Variants in PLOD1 observed in about 807,000 individuals in gnomAD.
PLOD1 encodes the protein lysine hydroxylase.
In PLOD1, 70 loss-of-function variants were observed where a neutral mutation model predicts 94.7. The observed-to-expected ratio is 0.74, with a 90% CI of 0.61 to 0.90. PLOD1 has a LOEUF of 0.90. Ranked by LOEUF, PLOD1 falls within the 40% of genes least tolerant of loss-of-function variation. The pLI is 0.00. For missense variants in PLOD1, 905 were observed against 972.7 expected (o/e 0.93, Z 0.93); for synonymous variants, 417 against 400.2 (o/e 1.04, Z -0.50).
intron 1 of PLOD1, among the ~76,000 whole-genome samples, chr1:11,943,409 GC>G (rs2100737274): frequency 6.6e-6 from 1 of 151,244 alleles, no homozygotes; most frequent in Non-Finnish European, 1.5e-5. Flanking sequence ...CGATTCTCTT[GC>G]CTGAGCCTCA....
rs1184013178 is a variant in PLOD1 at position 11,957,983 on chromosome 1, G to A, written c.843+40G>A. 7.7e-7 allele frequency: 1 copy of A among 1,300,404 alleles called. No individual in the cohort carries two copies. Among genetic ancestry groups the A allele is most frequent in the Non-Finnish European group, 1.1e-6 (1 of 893,546 alleles). 80.6% of individuals were successfully genotyped at this position (1,300,404 alleles called of 1,614,324 possible). A position where few individuals can be genotyped will look rare whatever the true frequency, so the allele number is the denominator to read the frequency against. On this transcript the variant is annotated intron_variant, in intron 8 of 18. Transcript: ENST00000196061. This position sits in a 1 kb window ranked among gnomAD's most constrained non-coding sequence, Gnocchi z 4.1. Reference sequence around the variant, plus strand: ...AGGCCTGTGCCTGAGGGACACGGGGGGCTCAGTCCCCTGAGATGGCGAGAT... The same window carrying A: ...AGGCCTGTGCCTGAGGGACACGGGGAGCTCAGTCCCCTGAGATGGCGAGAT...
rs1344411995 is a variant in PLOD1 at position 11,957,972 on chromosome 1, G to A, written c.843+29G>A. 1.5e-6 allele frequency: 2 copies of A among 1,365,444 alleles called. No homozygotes were observed. Among genetic ancestry groups the A allele is most frequent in the South Asian group, 1.2e-5 (1 of 86,114 alleles). The allele number at this position is 1,365,444 out of a possible 1,614,324, so 84.6% of individuals were successfully genotyped here. A position where few individuals can be genotyped will look rare whatever the true frequency, so the allele number is the denominator to read the frequency against. On this transcript the variant is annotated intron_variant, in intron 8 of 18. Coordinates refer to ENST00000196061, the MANE Select transcript of PLOD1 (RefSeq NM_000302.4). This position sits in a 1 kb window ranked among gnomAD's most constrained non-coding sequence, Gnocchi z 4.1. Reference sequence around the variant, plus strand: ...AGGCTGCGCCCAGGCCTGTGCCTGAGGGACACGGGGGGCTCAGTCCCCTGA... The same window carrying A: ...AGGCTGCGCCCAGGCCTGTGCCTGAAGGACACGGGGGGCTCAGTCCCCTGA...
Position 11,966,190 on chromosome 1 carries a change from T to A in PLOD1, c.1585-61T>A, listed in dbSNP as rs368600872. 1.7e-4 allele frequency: 212 copies of A among 1,271,638 alleles called. No individual in the cohort carries two copies. In the African/African-American group the frequency reaches 2.8e-3, roughly 17 times the overall value. The allele number at this position is 1,271,638 out of a possible 1,614,324, so 78.8% of individuals were successfully genotyped here. On this transcript the variant is annotated intron_variant, in intron 14 of 18. Coordinates refer to ENST00000196061, the MANE Select transcript of PLOD1 (RefSeq NM_000302.4). ...CACTCCCACTTTGAGGGGTCTGCTC[T>A]GAGCATCCCTGGCAGTTGAGCCAAT...
In PLOD1 at chr1:11,950,522, T is replaced by TGA; in HGVS notation, c.466+6_466+7dup. On this transcript the variant is annotated splice_region_variant and intron_variant, in intron 4 of 18. Coordinates refer to ENST00000196061, the MANE Select transcript of PLOD1 (RefSeq NM_000302.4). ...GCAAGAGGTTCCTGGGCTCTGGAGG[T>TGA]GAGAGGCCTGGGTGCAGGGCGCTTG... The TGA allele has an allele frequency of 6.2e-7, 1 of 1,613,322 alleles. No individual in the cohort carries two copies. Among genetic ancestry groups the TGA allele is most frequent in the Non-Finnish European group, 8.5e-7 (1 of 1,179,712 alleles).
chr1:11,948,080 C>A lies in PLOD1; in HGVS notation c.168+13C>A, dbSNP rs750185258. The stretch of plus-strand genomic sequence containing the variant: ...CTACAAGATCCAGGTAAGGGGTTTC[C>A]TGGGTGAGGCAGAGACAGTGAGGGG... On this transcript the variant is annotated intron_variant, in intron 2 of 18. Transcript: ENST00000196061. 29 of 1,580,056 alleles carry A rather than the reference C, an allele frequency of 1.8e-5. No individual in the cohort carries two copies. The highest frequency in any genetic ancestry group is 2.5e-5 in the Non-Finnish European group (29 of 1,149,078).
At chr1:11,936,712 G>A (rs752074617) in intron 1 of PLOD1, among the ~76,000 whole-genome samples, 3 of 151,920 alleles carry the variant, frequency 2.0e-5, no homozygotes, top group Non-Finnish European at 2.9e-5. Flanking sequence ...TAGAAGAGAC[G>A]AGGTTTCGCC....
chr1:11,947,844 G>T, intron 1 of PLOD1, 132 bp from the exon 2 acceptor site: 1 of 704,080 alleles, frequency 1.4e-6, no homozygotes. Context: ...TCTTCCCTGG[G>T]CCCTGTTCTG....
intron 16 of PLOD1, 73 bp downstream of exon 16, chr1:11,967,164 C>A: frequency 9.8e-7 from 1 of 1,015,916 alleles, no homozygotes; most frequent in South Asian, 1.3e-5. Context: ...TGTCTGGGGT[C>A]TTCTGGCAAG....
At position 11,950,353 on chromosome 1, in the gene PLOD1, A is replaced by G. The variant is rs1168827804; in HGVS notation, c.303-4A>G. The G allele has an allele frequency of 6.2e-7, 1 of 1,614,012 alleles. No homozygotes were observed. The highest frequency in any genetic ancestry group is 1.1e-5 in the South Asian group (1 of 91,076). On this transcript the variant is annotated splice_polypyrimidine_tract_variant and splice_region_variant and intron_variant, in intron 3 of 18. Transcript: ENST00000196061. ...GCTCCGTCTTCTCGCTGCTCTGGCCACAGCTATGACGTGCTGTTTGCATCG... is the reference window on the plus strand; with the variant it reads ...GCTCCGTCTTCTCGCTGCTCTGGCCGCAGCTATGACGTGCTGTTTGCATCG...
At chr1:11,948,854 T>G (rs141423689) in intron 2 of PLOD1, among the ~76,000 whole-genome samples, 40 of 152,356 alleles carry the variant, frequency 2.6e-4, no homozygotes, top group Non-Finnish European at 5.7e-4. Flanking sequence ...ACGAGTATCC[T>G]GAGTGCTTCC....
chr1:11,967,250 G>A (rs1416940100), intron 16 of PLOD1, among the ~76,000 whole-genome samples, 159 bp downstream of exon 16: 1 of 152,140 alleles, frequency 6.6e-6, no homozygotes, highest in African/African-American at 2.4e-5. Context: ...TAGGAGTAGA[G>A]GGATTGAGAA....
chr1:11,954,578 G>A, intron 5 of PLOD1: 1 of 741,368 alleles, frequency 1.3e-6, no homozygotes, highest in Non-Finnish European at 2.5e-6. Flanking sequence ...TTGTAGGTGA[G>A]CCGGCTGCAT....
Position 11,958,386 on chromosome 1 carries a change from C to T in PLOD1, c.844-130C>T. The T allele has an allele frequency of 9.3e-7, 1 of 1,072,424 alleles. No homozygotes were observed. Among genetic ancestry groups the T allele is most frequent in the East Asian group, 2.6e-5 (1 of 38,912 alleles). The allele number at this position is 1,072,424 out of a possible 1,614,324, so 66.4% of individuals were successfully genotyped here. ...GTACCCCCTGACTGGAGTTCCCCGGCCCGGGCACCTTTCTTGGGAAGTCTA... is the reference window on the plus strand; with the variant it reads ...GTACCCCCTGACTGGAGTTCCCCGGTCCGGGCACCTTTCTTGGGAAGTCTA... On this transcript the variant is annotated intron_variant, in intron 8 of 18. Coordinates refer to ENST00000196061, the MANE Select transcript of PLOD1 (RefSeq NM_000302.4). The surrounding 1 kb of genome is among the most constrained non-coding windows in gnomAD (Gnocchi z 4.3).
intron 2 of PLOD1, 65 bp downstream of exon 2, chr1:11,948,132 C>A: frequency 9.3e-7 from 1 of 1,073,680 alleles, no homozygotes; most frequent in Non-Finnish European, 1.5e-6. Context: ...GAGCTAGTGT[C>A]CTTTCCAAAC....
In PLOD1 at chr1:11,948,459, G is replaced by A. The variant is rs535687855; in HGVS notation, c.168+392G>A. Among the ~76,000 whole-genome samples, 102 of 152,232 alleles carry A rather than the reference G, an allele frequency of 6.7e-4. 2 individuals carry two copies. The South Asian group carries it at 0.02, about 29-fold the overall frequency. On this transcript the variant is annotated intron_variant, in intron 2 of 18. Coordinates refer to ENST00000196061, the MANE Select transcript of PLOD1 (RefSeq NM_000302.4). ...GCTCTAAAGAAACATGAGTGGTCCC[G>A]CACAGGGGCTCACGCCTGTATTCCC...
At position 11,948,086 on chromosome 1, in the gene PLOD1, G is replaced by A. The variant is rs756019949; in HGVS notation, c.168+19G>A. 1 of 1,551,882 alleles carries A rather than the reference G, an allele frequency of 6.4e-7. No individual in the cohort carries two copies. Among genetic ancestry groups the A allele is most frequent in the South Asian group, 1.1e-5 (1 of 89,816 alleles). ...GATCCAGGTAAGGGGTTTCCTGGGT[G>A]AGGCAGAGACAGTGAGGGGTGGCAG... On this transcript the variant is annotated intron_variant, in intron 2 of 18. Coordinates refer to ENST00000196061, the MANE Select transcript of PLOD1 (RefSeq NM_000302.4).
At position 11,957,751 on chromosome 1, in the gene PLOD1, G is replaced by T; in HGVS notation, c.742-91G>T. On this transcript the variant is annotated intron_variant, in intron 7 of 18. Coordinates refer to ENST00000196061, the MANE Select transcript of PLOD1 (RefSeq NM_000302.4). The surrounding 1 kb of genome is among the most constrained non-coding windows in gnomAD (Gnocchi z 4.1). ...AGGGAGTGGGAGGGGGCTGGATGGT[G>T]CTGACCCACTGGGGGCCCAGGGAGA... is the stretch of plus-strand genomic sequence containing the variant. 3.5e-6 allele frequency: 3 copies of T among 852,296 alleles called. No homozygotes were observed. The highest frequency in any genetic ancestry group is 6.2e-6 in the Non-Finnish European group (3 of 484,514). The allele number at this position is 852,296 out of a possible 1,614,324, so 52.8% of individuals were successfully genotyped here.
rs1391568899 is a variant in PLOD1 at position 11,958,479 on chromosome 1, A to G, written c.844-37A>G. The G allele has an allele frequency of 6.2e-7, 1 of 1,610,940 alleles. No individual in the cohort carries two copies. Among genetic ancestry groups the G allele is most frequent in the Admixed American group, 1.7e-5 (1 of 59,764 alleles). On this transcript the variant is annotated intron_variant, in intron 8 of 18. Transcript: ENST00000196061. This position sits in a 1 kb window ranked among gnomAD's most constrained non-coding sequence, Gnocchi z 4.3. ...GGTGGAGTGGCAGTGCTGTGACTGG[A>G]CACTGCTGGACTCTTGTGCCGCCCT...
chr1:11,940,202 T>C (rs1645606593), intron 1 of PLOD1, among the ~76,000 whole-genome samples: 1 of 152,238 alleles, frequency 6.6e-6, no homozygotes, highest in Non-Finnish European at 1.5e-5. Context: ...TTTTAATTTT[T>C]TGTAGAGACA....
Sources: gnomAD v4.1 joint callset for allele counts (sites outside exome capture counted in the v4.1 genomes callset) on GRCh38, gnomAD v4.1.1 for gene constraint, Gnocchi (gnomAD v3.1) non-coding constraint, MANE v1.5 for transcripts, NCBI Gene and HGNC (gene_info 2026-07-23, HGNC 2026-07-21) for gene names.